BRINP2: variants seen among roughly 807,000 people sequenced by gnomAD.
BRINP2 encodes the protein BMP/retinoic acid-inducible neural-specific protein 2.
A neutral mutation model predicts 69.2 loss-of-function variants in BRINP2; 21 were observed. That is an observed-to-expected ratio of 0.30 (90% CI 0.22 to 0.44). The LOEUF (loss-of-function observed/expected upper bound fraction) is 0.44, where lower values mean the gene tolerates loss of function less well. Ranked by LOEUF, BRINP2 falls within the 20% of genes least tolerant of loss-of-function variation. The pLI, the probability that BRINP2 is intolerant of heterozygous loss-of-function variation, is 1.00. For synonymous variants in BRINP2, 380 were observed against 394.1 expected (o/e 0.96, Z 0.42); for missense variants, 877 against 986.0 (o/e 0.89, Z 1.48).
At chr1:177,276,513 G>T (rs985802737) in intron 6 of BRINP2, 79 bp downstream of exon 6, 2 of 1,301,636 alleles carry the variant, frequency 1.5e-6, no homozygotes, top group Non-Finnish European at 2.2e-6. Context: ...AACAAAACTT[G>T]AGAGTTGAGG....
chr1:177,248,461 G>A (rs2205880), intron 2 of BRINP2, among the ~76,000 whole-genome samples: 50,749 of 149,792 alleles, frequency 0.34, 9,351 homozygotes, highest in South Asian at 0.53. Flanking sequence ...GTGTGCGTGC[G>A]TGTGTGTGTG....
At chr1:177,202,615 C>G (rs1416849440) in intron 1 of BRINP2, among the ~76,000 whole-genome samples, 5 of 152,170 alleles carry the variant, frequency 3.3e-5, no homozygotes, top group African/African-American at 7.2e-5. Context: ...GAGTGTTTTA[C>G]TTCCAACTAT....
chr1:177,279,123 T>C (rs1015834989), intron 7 of BRINP2, among the ~76,000 whole-genome samples: 5 of 152,180 alleles, frequency 3.3e-5, no homozygotes, highest in African/African-American at 1.2e-4. Flanking sequence ...TTGCATCTGA[T>C]GAAAAACACA....
At chr1:177,190,929 TG>T (rs1648577402) in intron 1 of BRINP2, among the ~76,000 whole-genome samples, 1 of 152,194 alleles carries the variant, frequency 6.6e-6, no homozygotes, top group African/African-American at 2.4e-5. Context: ...CACAGTTGCC[TG>T]GTCTATAAAT....
intron 1 of BRINP2, among the ~76,000 whole-genome samples, chr1:177,206,895 G>T (rs1649083692): frequency 6.6e-6 from 1 of 152,170 alleles, no homozygotes. Context: ...GTGGATAGAA[G>T]AGATTAGGGG....
At chr1:177,177,294 A>AAACAACAAC (rs149219703) in intron 1 of BRINP2, among the ~76,000 whole-genome samples, 5 of 151,184 alleles carry the variant, frequency 3.3e-5, no homozygotes, top group African/African-American at 1.2e-4. Context: ...ACAAACAAAC[A>AAACAACAAC]AACAACAACA....
At chr1:177,221,564 A>G (rs1649533544) in intron 1 of BRINP2, among the ~76,000 whole-genome samples, 1 of 152,250 alleles carries the variant, frequency 6.6e-6, no homozygotes, top group East Asian at 1.9e-4. Flanking sequence ...TGTTGCATCA[A>G]AATCTCCTGG....
At chr1:177,245,134 TAATAACTGA>T (rs569560208) in intron 2 of BRINP2, among the ~76,000 whole-genome samples, 279 of 152,208 alleles carry the variant, frequency 1.8e-3, no homozygotes, top group African/African-American at 6.6e-3. Flanking sequence ...AGGGTCTCAC[TAATAACTGA>T]AACTATGATA....
At chr1:177,233,166 G>T (rs903947578) in intron 2 of BRINP2, among the ~76,000 whole-genome samples, 13 of 152,306 alleles carry the variant, frequency 8.5e-5, no homozygotes, top group African/African-American at 2.4e-4. Context: ...AATAGCTGCA[G>T]CCTCTCTAAT....
At position 177,211,720 on chromosome 1, in the gene BRINP2, T is replaced by A. The variant is rs558856837; in HGVS notation, c.-76-18081T>A. ...TGATTTTTATTTGGGTTATTACTGG[T>A]GGTATTAACTGACCACTTGAGTAAG... is the stretch of plus-strand genomic sequence containing the variant. On this transcript the variant is annotated intron_variant, in intron 1 of 7. Coordinates refer to ENST00000361539, the MANE Select transcript of BRINP2 (RefSeq NM_021165.4). Among the ~76,000 whole-genome samples, 1,522 of 152,302 alleles carry A rather than the reference T, an allele frequency of 1.0e-2. 28 individuals carry two copies. Among genetic ancestry groups the A allele is most frequent in the African/African-American group, 0.035 (1,458 of 41,562 alleles).
intron 5 of BRINP2, 93 bp from the exon 6 acceptor site, chr1:177,276,105 A>T: frequency 8.2e-7 from 1 of 1,214,366 alleles, no homozygotes; most frequent in Non-Finnish European, 1.2e-6. Flanking sequence ...ACAAGTCAGC[A>T]GAACTCCAGC....
At chr1:177,278,852 G>C (rs543330719) in intron 7 of BRINP2, 67 bp downstream of exon 7, 1 of 1,501,564 alleles carries the variant, frequency 6.7e-7, no homozygotes, top group African/African-American at 1.4e-5. Flanking sequence ...AGGCCAAGGA[G>C]AACCCTCTGT....
intron 1 of BRINP2, among the ~76,000 whole-genome samples, chr1:177,184,796 G>A (rs376345764): frequency 6.6e-6 from 1 of 152,014 alleles, no homozygotes; most frequent in Non-Finnish European, 1.5e-5. Flanking sequence ...TAAAATATGG[G>A]TTACTAGAAA....
At chr1:177,175,430 C>T (rs1432274522) in intron 1 of BRINP2, among the ~76,000 whole-genome samples, 1 of 152,202 alleles carries the variant, frequency 6.6e-6, no homozygotes, top group East Asian at 1.9e-4. Flanking sequence ...TGTGACCAGC[C>T]AGCTACACAC....
chr1:177,222,787 A>G (rs1286974704), intron 1 of BRINP2, among the ~76,000 whole-genome samples: 4 of 152,136 alleles, frequency 2.6e-5, no homozygotes, highest in African/African-American at 9.7e-5. Context: ...GAAGGCAGGC[A>G]GCCAGGTTCT....
intron 1 of BRINP2, among the ~76,000 whole-genome samples, chr1:177,193,641 T>C (rs1648655038): frequency 6.6e-6 from 1 of 152,200 alleles, no homozygotes; most frequent in African/African-American, 2.4e-5. Flanking sequence ...AGAATGCCCT[T>C]TCTTGAATTT....
At chr1:177,181,397 C>T (rs1184724420) in intron 1 of BRINP2, among the ~76,000 whole-genome samples, 3 of 152,214 alleles carry the variant, frequency 2.0e-5, no homozygotes, top group Non-Finnish European at 4.4e-5. Context: ...TCAGGCCCAG[C>T]GGCAGCGGGT....
chr1:177,200,293 CAAAAA>C (rs35619503), intron 1 of BRINP2, among the ~76,000 whole-genome samples: 950 of 34,662 alleles, frequency 0.027, 2 homozygotes, highest in Non-Finnish European at 0.043. Flanking sequence ...AACTCTGTCT[CAAAAA>C]AAAAAAAAAA....
intron 6 of BRINP2, among the ~76,000 whole-genome samples, chr1:177,277,099 G>A (rs1651524848): frequency 6.6e-6 from 1 of 152,106 alleles, no homozygotes. Context: ...TGATATTTAT[G>A]TGGATATAGT....
Sources: gnomAD v4.1 joint callset for allele counts (sites outside exome capture counted in the v4.1 genomes callset) on GRCh38, gnomAD v4.1.1 for gene constraint, MANE v1.5 for transcripts, NCBI Gene and HGNC (gene_info 2026-07-23, HGNC 2026-07-21) for gene names.